OLFM3: variants seen among roughly 807,000 people sequenced by gnomAD.
OLFM3 encodes noelin-3.
A neutral mutation model predicts 48.6 loss-of-function variants in OLFM3; 20 were observed. The ratio of observed to expected loss-of-function variants is 0.41; its 90% CI spans 0.29 to 0.60. The LOEUF (loss-of-function observed/expected upper bound fraction) is 0.60. OLFM3 is among the 20% of genes least tolerant of loss of function. The pLI is 0.28. For missense variants in OLFM3, 437 were observed against 544.3 expected, an observed-to-expected ratio of 0.80 and a Z score of 1.96; for synonymous variants, 222 against 198.1, an observed-to-expected ratio of 1.12 and a Z score of -1.01.
intron 1 of OLFM3, chr1:101,847,097 A>G (rs973572640): frequency 8.4e-5 from 115 of 1,375,076 alleles, no homozygotes; most frequent in Middle Eastern, 5.5e-4. Flanking sequence ...CCCCAGCTCT[A>G]ATCACCCAGG....
intron 1 of OLFM3, among the ~76,000 whole-genome samples, chr1:101,907,663 A>C (rs1658599024): frequency 6.6e-6 from 1 of 152,252 alleles, no homozygotes; most frequent in South Asian, 2.1e-4. Context: ...GCATTACTGC[A>C]ATGCCAAAGC....
At chr1:101,904,875 C>T (rs1658503334) in intron 1 of OLFM3, among the ~76,000 whole-genome samples, 1 of 152,092 alleles carries the variant, frequency 6.6e-6, no homozygotes, top group South Asian at 2.1e-4. Context: ...AACCAATGCC[C>T]AGCTAATGTC....
chr1:101,901,407 T>C (rs1235118703), intron 1 of OLFM3, among the ~76,000 whole-genome samples: 1 of 152,066 alleles, frequency 6.6e-6, no homozygotes, highest in Non-Finnish European at 1.5e-5. Context: ...ATGAGTACTG[T>C]ACATGGGACA....
At chr1:101,851,826 T>A (rs1656229903) in intron 1 of OLFM3, among the ~76,000 whole-genome samples, 1 of 152,164 alleles carries the variant, frequency 6.6e-6, no homozygotes. Flanking sequence ...CTCTCCTCTG[T>A]GCAATAAATC....
chr1:101,824,488 T>C (rs1654754856), intron 4 of OLFM3, among the ~76,000 whole-genome samples: 1 of 152,178 alleles, frequency 6.6e-6, no homozygotes, highest in African/African-American at 2.4e-5. Flanking sequence ...CCTATTTAAG[T>C]AGCTGCCACC....
chr1:101,981,733 C>A (rs1423258639), intron 1 of OLFM3, among the ~76,000 whole-genome samples: 1 of 152,204 alleles, frequency 6.6e-6, no homozygotes, highest in Non-Finnish European at 1.5e-5. Flanking sequence ...AACATATTCC[C>A]TTCCAGTTGG....
intron 1 of OLFM3, chr1:101,909,962 G>A (rs1467261783): frequency 1.0e-6 from 1 of 985,154 alleles, no homozygotes; most frequent in African/African-American, 1.7e-5. Context: ...TAATCTTCAA[G>A]GTACCACATA....
intron 1 of OLFM3, among the ~76,000 whole-genome samples, chr1:101,897,583 T>A (rs959904284): frequency 1.3e-5 from 2 of 152,144 alleles, no homozygotes; most frequent in African/African-American, 2.4e-5. Context: ...GCATATTTTT[T>A]AAAAATCAGT....
rs535399751 is a variant in OLFM3 at position 101,970,019 on chromosome 1, AT to A, written c.69+26728del. Among the ~76,000 whole-genome samples, 602 of 144,464 alleles carry A rather than the reference AT, an allele frequency of 4.2e-3. 10 individuals are homozygous for A. The highest frequency in any genetic ancestry group is 0.035 in the East Asian group (176 of 4,972). The allele number at this position is 144,464 out of a possible 152,430, so 94.8% of individuals were successfully genotyped here. On this transcript the variant is annotated intron_variant, in intron 1 of 5. Transcript: ENST00000370103. ...ACAGGTTGCCATTTTGTAATGACAG[AT>A]TTTTTTTTTTTTTGAGATGGAATCT...
chr1:101,949,217 C>G (rs1046083084), intron 1 of OLFM3, among the ~76,000 whole-genome samples: 1 of 152,100 alleles, frequency 6.6e-6, no homozygotes, highest in Non-Finnish European at 1.5e-5. Flanking sequence ...TGTTCCCTCC[C>G]TACCTCACTG....
At chr1:101,844,735 G>A (rs1192457546) in intron 1 of OLFM3, among the ~76,000 whole-genome samples, 1 of 151,988 alleles carries the variant, frequency 6.6e-6, no homozygotes, top group Non-Finnish European at 1.5e-5. Context: ...TTTATTATCT[G>A]ACTTAAGACC....
intron 1 of OLFM3, among the ~76,000 whole-genome samples, chr1:101,842,761 A>G (rs181016064): frequency 1.1e-3 from 167 of 152,312 alleles, no homozygotes; most frequent in African/African-American, 3.9e-3. Context: ...GAAGAAAAGC[A>G]GGGGGCATGA....
chr1:101,946,776 C>A (rs1234254699), intron 1 of OLFM3, among the ~76,000 whole-genome samples: 1 of 151,952 alleles, frequency 6.6e-6, no homozygotes, highest in African/African-American at 2.4e-5. Flanking sequence ...AAAATGGAAA[C>A]TTTAGTAGAT....
At chr1:101,818,925 T>C (rs1246488350) in intron 4 of OLFM3, among the ~76,000 whole-genome samples, 1 of 152,170 alleles carries the variant, frequency 6.6e-6, no homozygotes. Flanking sequence ...GTTTCAGGTA[T>C]ATTGCAATGG....
chr1:101,956,095 T>TTTTTTTA lies in OLFM3; in HGVS notation c.69+40652_69+40653insTAAAAAA, dbSNP rs1553183048. On this transcript the variant is annotated intron_variant, in intron 1 of 5. Coordinates refer to ENST00000370103, the MANE Select transcript of OLFM3 (RefSeq NM_058170.4). ...TTCAACACAATAACAGGTTTTTTTTTTTTTTTTTAAAAAAAACCTTTACAG... is the reference window on the plus strand; with the variant it reads ...TTCAACACAATAACAGGTTTTTTTTTTTTTTTATTTTTTTTAAAAAAAACCTTTACAG... 4.2e-3 allele frequency among the ~76,000 whole-genome samples: 609 copies of TTTTTTTA among 143,788 alleles called. 3 individuals are homozygous for TTTTTTTA. Among genetic ancestry groups the TTTTTTTA allele is most frequent in the Non-Finnish European group, 6.5e-3 (427 of 66,038 alleles). 94.3% of individuals were successfully genotyped at this position (143,788 alleles called of 152,430 possible).
Position 101,830,831 on chromosome 1 carries a change from T to C in OLFM3, c.217-4A>G. The C allele has an allele frequency of 6.2e-7, 1 of 1,612,104 alleles. No homozygotes were observed. The highest frequency in any genetic ancestry group is 8.5e-7 in the Non-Finnish European group (1 of 1,179,170). On this transcript the variant is annotated splice_polypyrimidine_tract_variant and splice_region_variant and intron_variant, in intron 2 of 5. Transcript: ENST00000370103. The stretch of plus-strand genomic sequence containing the variant: ...TAGACTGGGACATGTTCTGAACCTG[T>C]TGAACAAGAATATTGTCTGTACATT...
At chr1:101,881,815 G>T (rs1657537675) in intron 1 of OLFM3, among the ~76,000 whole-genome samples, 1 of 151,276 alleles carries the variant, frequency 6.6e-6, no homozygotes, top group African/African-American at 2.4e-5. Flanking sequence ...CTGCAGTATT[G>T]GTGGTAGAAT....
intron 1 of OLFM3, among the ~76,000 whole-genome samples, chr1:101,877,149 T>TATTA (rs1657334274): frequency 1.3e-5 from 2 of 151,326 alleles, no homozygotes. Context: ...AATATCTGAC[T>TATTA]ATAAATGATA....
At chr1:101,984,265 A>G (rs1024809311) in intron 1 of OLFM3, among the ~76,000 whole-genome samples, 3 of 152,058 alleles carry the variant, frequency 2.0e-5, no homozygotes, top group African/African-American at 7.2e-5. Flanking sequence ...AAAAAAAAAA[A>G]AAAGTTCTTA....
Sources: allele counts gnomAD v4.1 joint callset (sites outside exome capture counted in the v4.1 genomes callset), GRCh38; gene constraint gnomAD v4.1.1; transcripts MANE v1.5; gene names NCBI Gene and HGNC (gene_info 2026-07-23, HGNC 2026-07-21).